The following BRD4 variants were observed in gnomAD, a reference collection of about 807,000 sequenced individuals.
The protein encoded by BRD4 is bromodomain-containing protein 4.
In BRD4, 16 loss-of-function variants were observed where a neutral mutation model predicts 142.1. That is an observed-to-expected ratio of 0.11 (90% CI 0.08 to 0.17). BRD4 has a LOEUF of 0.17. BRD4 is among the 10% of genes least tolerant of loss of function. BRD4 has a pLI of 1.00. For synonymous variants in BRD4, 833 were observed against 707.5 expected (o/e 1.18, Z -2.82); for missense variants, 1,424 against 1,810.9 (o/e 0.79, Z 3.88).
chr19:15,325,003 G>A (rs2048094982), intron 1 of BRD4, among the ~76,000 whole-genome samples: 1 of 152,170 alleles, frequency 6.6e-6, no homozygotes, highest in Non-Finnish European at 1.5e-5. Flanking sequence ...CCAGTACCAT[G>A]CCCTGGATCA....
At chr19:15,285,742 T>C (rs1340655517) in intron 1 of BRD4, among the ~76,000 whole-genome samples, 2 of 152,182 alleles carry the variant, frequency 1.3e-5, no homozygotes, top group African/African-American at 4.8e-5. Flanking sequence ...ACTTTTTACA[T>C]TTGTTTTTCC....
chr19:15,316,743 T>G (rs990771137), intron 1 of BRD4, among the ~76,000 whole-genome samples: 1 of 152,270 alleles, frequency 6.6e-6, no homozygotes, highest in Non-Finnish European at 1.5e-5. Context: ...CTGTTTTTAC[T>G]GACCAGATGT....
At chr19:15,251,835 G>A (rs2047350778) in intron 11 of BRD4, among the ~76,000 whole-genome samples, 1 of 152,196 alleles carries the variant, frequency 6.6e-6, no homozygotes, top group Non-Finnish European at 1.5e-5. Context: ...CTGCTGGCCA[G>A]GATTGGGAAG....
chr19:15,281,994 G>A (rs1054790905), intron 1 of BRD4, among the ~76,000 whole-genome samples: 2 of 152,016 alleles, frequency 1.3e-5, no homozygotes, highest in Non-Finnish European at 2.9e-5. Context: ...CTCCAGCCTG[G>A]GCAACAGAGC....
chr19:15,263,782 C>T (rs576024685), intron 6 of BRD4, among the ~76,000 whole-genome samples: 1 of 152,274 alleles, frequency 6.6e-6, no homozygotes, highest in Admixed American at 6.5e-5. Flanking sequence ...GGACTCAGAA[C>T]CCACAGGAGG....
At chr19:15,254,940 G>C (rs757996001) in intron 10 of BRD4, among the ~76,000 whole-genome samples, 1 of 152,154 alleles carries the variant, frequency 6.6e-6, no homozygotes, top group African/African-American at 2.4e-5. Flanking sequence ...ATAACGTATC[G>C]GTACACAGGT....
chr19:15,300,524 CA>C (rs1191526052), intron 1 of BRD4, among the ~76,000 whole-genome samples: 1 of 152,014 alleles, frequency 6.6e-6, no homozygotes, highest in Non-Finnish European at 1.5e-5. Context: ...CACTGCACTC[CA>C]GCCTGGGTGA....
At chr19:15,263,636 A>G in intron 6 of BRD4, 88 bp from the exon 7 acceptor site, 5 of 1,553,276 alleles carry the variant, frequency 3.2e-6, no homozygotes, top group Non-Finnish European at 4.4e-6. Flanking sequence ...GATGCCTAGA[A>G]GAGCAAGTTG....
chr19:15,238,835 G>A lies in BRD4; in HGVS notation c.3928C>T (p.Pro1310Ser). ...QAAAVAAAATPQAQSSQPQSM... is the reference protein window; with the variant it reads ...QAAAVAAAATSQAQSSQPQSM... Reference sequence around the variant, plus strand: ...TGGGGCTGGGAGCTCTGGGCCTGTGGGGTGGCGGCGGCAGCCACCGCAGCT... The same window carrying A: ...TGGGGCTGGGAGCTCTGGGCCTGTGAGGTGGCGGCGGCAGCCACCGCAGCT... Residue 1310 changes from proline to serine, a missense_variant, in exon 19 of 20, where the codon CCA becomes TCA. By Grantham distance (74) the Pro-to-Ser change is moderately conservative. This residue lies in a region of BRD4 where 109 missense variants were observed against 117.9 expected (regional missense o/e 0.92). Transcript: ENST00000679869. The surrounding 1 kb of genome is among the most constrained non-coding windows in gnomAD (Gnocchi z 7.2). The A allele has an allele frequency of 6.2e-7, 1 of 1,603,230 alleles. No homozygotes were observed. The highest frequency in any genetic ancestry group is 2.2e-5 in the East Asian group (1 of 44,568).
At chr19:15,330,420 A>G (rs1263364015) in intron 1 of BRD4, among the ~76,000 whole-genome samples, 1 of 152,198 alleles carries the variant, frequency 6.6e-6, no homozygotes, top group African/African-American at 2.4e-5. Context: ...GATAAGATAA[A>G]AAGATAAAAA....
chr19:15,282,596 G>A (rs758494548), intron 1 of BRD4, among the ~76,000 whole-genome samples: 47 of 152,240 alleles, frequency 3.1e-4, no homozygotes, highest in Non-Finnish European at 5.7e-4. Context: ...CCAAATTACA[G>A]GCTGAAAGAT....
chr19:15,296,825 A>T (rs1384972743), intron 1 of BRD4, among the ~76,000 whole-genome samples: 2 of 152,228 alleles, frequency 1.3e-5, no homozygotes, highest in African/African-American at 4.8e-5. Context: ...GTGTTGACAG[A>T]GACTTCTCTA....
chr19:15,309,092 T>C (rs1011542984), intron 1 of BRD4, among the ~76,000 whole-genome samples: 1 of 151,460 alleles, frequency 6.6e-6, no homozygotes. Context: ...ATCCCAGCAC[T>C]TTGGGAGGCT....
At chr19:15,265,183 CT>C (rs1412154336) in intron 5 of BRD4, among the ~76,000 whole-genome samples, 170 bp downstream of exon 5, 1 of 152,176 alleles carries the variant, frequency 6.6e-6, no homozygotes, top group Non-Finnish European at 1.5e-5. Flanking sequence ...ATTATGGGAC[CT>C]TTGAGTCAGT....
chr19:15,262,603 G>A (rs1042589638), intron 7 of BRD4, among the ~76,000 whole-genome samples: 1 of 151,110 alleles, frequency 6.6e-6, no homozygotes, highest in Non-Finnish European at 1.5e-5. Context: ...CAAGCCTGTA[G>A]TCCTAGATAC....
chr19:15,278,430 G>A (rs754913449), intron 1 of BRD4, among the ~76,000 whole-genome samples: 2 of 151,176 alleles, frequency 1.3e-5, no homozygotes, highest in Non-Finnish European at 2.9e-5. Context: ...AGCTACTCCA[G>A]AGGCTGAGAC....
At chr19:15,321,211 G>A (rs780266027) in intron 1 of BRD4, among the ~76,000 whole-genome samples, 16 of 151,634 alleles carry the variant, frequency 1.1e-4, no homozygotes, top group Non-Finnish European at 2.1e-4. Flanking sequence ...GCGAAAGAGC[G>A]AGACTCCATC....
intron 7 of BRD4, chr19:15,257,416 G>C: frequency 1.8e-6 from 1 of 549,744 alleles, no homozygotes; most frequent in Non-Finnish European, 3.2e-6. Context: ...AGATAGCGGG[G>C]CACTCACTCC....
chr19:15,257,504 T>C (rs1380946322), intron 7 of BRD4, among the ~76,000 whole-genome samples: 1 of 152,216 alleles, frequency 6.6e-6, no homozygotes, highest in African/African-American at 2.4e-5. Context: ...GAGATGGTAC[T>C]GGACCAAGGG....
Sources: allele counts gnomAD v4.1 joint callset (sites outside exome capture counted in the v4.1 genomes callset), GRCh38; gene constraint gnomAD v4.1.1; regional missense constraint gnomAD v4.1.1; non-coding constraint Gnocchi (gnomAD v3.1); transcripts MANE v1.5; gene names NCBI Gene and HGNC (gene_info 2026-07-23, HGNC 2026-07-21).